Variants in SMARCAL1 observed in about 807,000 individuals in gnomAD.
SMARCAL1 encodes SNF2 related chromatin remodeling annealing helicase 1, also known as ATP-driven annealing helicase.
SMARCAL1 carries 58 observed loss-of-function variants against 94.5 expected under a neutral mutation model. The observed-to-expected ratio is 0.61, with a 90% CI of 0.50 to 0.76. The LOEUF (loss-of-function observed/expected upper bound fraction) is 0.76, where lower values mean the gene tolerates loss of function less well. Ranked by LOEUF, SMARCAL1 falls within the 30% of genes least tolerant of loss-of-function variation. The pLI is 0.00. For missense variants in SMARCAL1, 1,051 were observed against 1,177.9 expected (o/e 0.89, Z 1.58); for synonymous variants, 422 against 455.1 (o/e 0.93, Z 0.93).
At chr2:216,478,424 A>T in intron 17 of SMARCAL1, 125 bp downstream of exon 17, 1 of 769,638 alleles carries the variant, frequency 1.3e-6, no homozygotes, top group East Asian at 2.5e-5. Context: ...CCTAGAGCTG[A>T]AAACAATGGC....
Position 216,432,696 on chromosome 2 carries a change from T to C in SMARCAL1, c.1335-22T>C, listed in dbSNP as rs543008833. The C allele has an allele frequency of 5.6e-6, 9 of 1,613,972 alleles. 1 individual carries two copies. In the African/African-American group the frequency reaches 1.1e-4, roughly 19 times the overall value. ...AACTCATGCCCCGGGAAATGTGCCA[T>C]CCTCACCTTGTCTGCCTTCAGTTTT... is the stretch of plus-strand genomic sequence containing the variant. On this transcript the variant is annotated intron_variant, in intron 7 of 17. Coordinates refer to ENST00000357276, the MANE Select transcript of SMARCAL1 (RefSeq NM_014140.4).
chr2:216,415,528 T>A lies in SMARCAL1; in HGVS notation c.811+13T>A. On this transcript the variant is annotated intron_variant, in intron 3 of 17. Transcript: ENST00000357276. ...AGCAAGAATTATGGTAATGTCTTCA[T>A]TTTTCAGCTGTTTTTTTTTTTTTTT... The A allele has an allele frequency of 6.3e-7, 1 of 1,584,012 alleles. No individual in the cohort carries two copies. Among genetic ancestry groups the A allele is most frequent in the Non-Finnish European group, 8.6e-7 (1 of 1,166,366 alleles).
intron 2 of SMARCAL1, chr2:216,414,433 A>G (rs1693538231): frequency 2.4e-6 from 1 of 421,574 alleles, no homozygotes; most frequent in African/African-American, 2.0e-5. Flanking sequence ...CTGGGATTAC[A>G]CCCGACCTGC....
At chr2:216,458,994 A>G (rs1286874083) in intron 12 of SMARCAL1, among the ~76,000 whole-genome samples, 2 of 152,358 alleles carry the variant, frequency 1.3e-5, no homozygotes, top group Admixed American at 6.5e-5. Context: ...GTCTCAGGAT[A>G]CAAAATCAAT....
intron 11 of SMARCAL1, among the ~76,000 whole-genome samples, chr2:216,448,878 T>C (rs895730007): frequency 6.6e-6 from 1 of 152,208 alleles, no homozygotes; most frequent in African/African-American, 2.4e-5. Context: ...ATTTTGGTGT[T>C]ACTAAGTTTT....
intron 13 of SMARCAL1, among the ~76,000 whole-genome samples, chr2:216,466,457 A>G (rs1247593317): frequency 1.3e-5 from 2 of 152,216 alleles, no homozygotes; most frequent in African/African-American, 2.4e-5. Context: ...AGAGTCACAC[A>G]GCTAGTAAGT....
At chr2:216,458,441 C>T (rs1433907734) in intron 12 of SMARCAL1, among the ~76,000 whole-genome samples, 2 of 152,334 alleles carry the variant, frequency 1.3e-5, no homozygotes. Context: ...CAATAAAATA[C>T]TGGCAAACCG....
intron 11 of SMARCAL1, among the ~76,000 whole-genome samples, chr2:216,448,409 GC>G (rs1694367627): frequency 6.6e-6 from 1 of 152,166 alleles, no homozygotes; most frequent in African/African-American, 2.4e-5. Flanking sequence ...GATGAAAGGG[GC>G]TAAAGATAAA....
chr2:216,447,650 T>C (rs1409271198), intron 11 of SMARCAL1, among the ~76,000 whole-genome samples: 1 of 141,812 alleles, frequency 7.1e-6, no homozygotes, highest in Non-Finnish European at 1.5e-5. Context: ...GAAGTAAAGG[T>C]GGGAAATTCC....
intron 12 of SMARCAL1, among the ~76,000 whole-genome samples, chr2:216,457,978 A>T (rs1327366424): frequency 1.3e-5 from 2 of 152,200 alleles, no homozygotes; most frequent in Non-Finnish European, 2.9e-5. Context: ...AATCAAATAG[A>T]TGCAACAAAA....
rs141082611 is a variant in SMARCAL1 at position 216,467,608 on chromosome 2, T to G, written c.2142-336T>G. Among the ~76,000 whole-genome samples the G allele has an allele frequency of 4.6e-5, 7 of 152,260 alleles. No individual in the cohort carries two copies. The East Asian group carries it at 1.4e-3, about 29-fold the overall frequency. ...CTGCCTTGGAAGAGAATTAACTGAC[T>G]TAACTACTGGCCCTGTCATTTGAGG... On this transcript the variant is annotated intron_variant, in intron 13 of 17. Transcript: ENST00000357276.
chr2:216,469,750 A>G (rs934110719), intron 14 of SMARCAL1, among the ~76,000 whole-genome samples: 3 of 152,172 alleles, frequency 2.0e-5, no homozygotes, highest in African/African-American at 7.2e-5. Context: ...ATATTCAGGC[A>G]TGCTCTTGCA....
At position 216,482,765 on chromosome 2, in the gene SMARCAL1, C is replaced by G. The variant is rs1466750049; in HGVS notation, c.2653C>G (p.Leu885Val). 6.2e-7 allele frequency: 1 copy of G among 1,614,158 alleles called. No individual in the cohort carries two copies. Among genetic ancestry groups the G allele is most frequent in the Admixed American group, 1.7e-5 (1 of 60,020 alleles). ...KDPKQQKIYD[L>V]FQKSFEKEGS... ...CCCAAAGCAGCAGAAGATCTACGAC[C>G]TATTCCAGAAGTCCTTTGAGAAAGA... The change falls in exon 18 of 18, where the codon CTA (leucine) becomes GTA (valine). Residue 885 changes from leucine to valine, a missense_variant. By Grantham distance (32) the Leu-to-Val change is conservative. This residue lies in a region of SMARCAL1 where 642 missense variants were observed against 754.7 expected (regional missense o/e 0.85). Transcript: ENST00000357276. The surrounding 1 kb of genome is among the most constrained non-coding windows in gnomAD (Gnocchi z 4.3).
chr2:216,415,297 C>T lies in SMARCAL1; in HGVS notation c.593C>T (p.Ser198Phe), dbSNP rs1231484959. ...TTAGAGGCCAAGACAGCAAAAGCCT[C>T]CCCTTCGGGGCAGAACATTTCTTAC... ...AKLEAKTAKA[S>F]PSGQNISYIH... The change falls in exon 3 of 18, where the codon TCC (serine) becomes TTC (phenylalanine). Residue 198 changes from serine (S) to phenylalanine (F), a missense_variant. Transcript: ENST00000357276. The T allele has an allele frequency of 6.2e-7, 1 of 1,614,144 alleles. No individual in the cohort carries two copies. Among genetic ancestry groups the T allele is most frequent in the African/African-American group, 1.3e-5 (1 of 74,940 alleles).
chr2:216,425,553 G>A (rs551621120), intron 6 of SMARCAL1, among the ~76,000 whole-genome samples: 11 of 152,310 alleles, frequency 7.2e-5, no homozygotes, highest in South Asian at 4.1e-4. Flanking sequence ...GCAGCTTGGC[G>A]AGCAGACCAA....
Position 216,414,912 on chromosome 2 carries a change from A to G in SMARCAL1, c.208A>G (p.Ile70Val). The G allele has an allele frequency of 1.2e-6, 2 of 1,614,216 alleles. No individual in the cohort carries two copies. The highest frequency in any genetic ancestry group is 1.7e-6 in the Non-Finnish European group (2 of 1,180,034). Reference protein sequence around the residue: ...ESCKPVSHGVIFKQQNLSSSS... With the variant: ...ESCKPVSHGVVFKQQNLSSSS... ...TTGTAAGCCAGTGAGCCATGGTGTCATTTTCAAGCAACAGAATCTCAGTAG... is the reference window on the plus strand; with the variant it reads ...TTGTAAGCCAGTGAGCCATGGTGTCGTTTTCAAGCAACAGAATCTCAGTAG... Residue 70 changes from isoleucine to valine, a missense_variant, in exon 3 of 18, where the codon ATT (isoleucine) becomes GTT (valine). Physicochemically the swap from Ile to Val is conservative, Grantham distance 29. Coordinates refer to ENST00000357276, the MANE Select transcript of SMARCAL1 (RefSeq NM_014140.4).
chr2:216,475,128 C>T lies in SMARCAL1; in HGVS notation c.2245-141C>T, dbSNP rs1695042856. The T allele has an allele frequency of 6.8e-6, 5 of 730,756 alleles. No individual in the cohort carries two copies. Among genetic ancestry groups the T allele is most frequent in the Non-Finnish European group, 1.1e-5 (5 of 436,046 alleles). 45.3% of individuals were successfully genotyped at this position (730,756 alleles called of 1,614,324 possible). On this transcript the variant is annotated intron_variant, in intron 14 of 17. Transcript: ENST00000357276. This position sits in a 1 kb window ranked among gnomAD's most constrained non-coding sequence, Gnocchi z 4.4. ...TAAGCAGTCATCTCAATACCAATGT[C>T]AATTTGAAAAGAAAAGCTCTGAAGG...
intron 6 of SMARCAL1, among the ~76,000 whole-genome samples, chr2:216,426,704 G>T (rs553662927): frequency 7.8e-4 from 119 of 152,324 alleles, no homozygotes; most frequent in African/African-American, 2.7e-3. Context: ...GAATTTAGAA[G>T]CCAGCTAAAC....
Position 216,414,798 on chromosome 2 carries a change from C to A in SMARCAL1, c.94C>A (p.Gln32Lys). The change falls in exon 3 of 18, where the codon CAG (glutamine) becomes AAG (lysine). Residue 32 changes from glutamine to lysine, a missense_variant. By Grantham distance (53) the Gln-to-Lys change is moderately conservative (BLOSUM62 1). Coordinates refer to ENST00000357276, the MANE Select transcript of SMARCAL1 (RefSeq NM_014140.4). ...ARRAEKLLAE[Q>K]HQRTSSGTSI... ...CAGAGCTGAGAAGTTATTGGCAGAA[C>A]AGCATCAGAGGACTAGCTCGGGCAC... 6.2e-7 allele frequency: 1 copy of A among 1,614,214 alleles called. No homozygotes were observed. The highest frequency in any genetic ancestry group is 1.3e-5 in the African/African-American group (1 of 75,056).
Sources: gnomAD v4.1 joint callset for allele counts (sites outside exome capture counted in the v4.1 genomes callset) on GRCh38, gnomAD v4.1.1 for gene constraint, gnomAD v4.1.1 regional missense constraint, Gnocchi (gnomAD v3.1) non-coding constraint, MANE v1.5 for transcripts, NCBI Gene and HGNC (gene_info 2026-07-23, HGNC 2026-07-21) for gene names.